PARD3: variants seen among roughly 807,000 people sequenced by gnomAD.
PARD3 encodes partitioning defective 3 homolog.
In PARD3, 75 loss-of-function variants were observed where a neutral mutation model predicts 155.4. That is an observed-to-expected ratio of 0.48 (90% CI 0.40 to 0.58). PARD3 has a LOEUF of 0.58. Ranked by LOEUF, PARD3 falls within the 20% of genes least tolerant of loss-of-function variation. The pLI, the probability that PARD3 is intolerant of heterozygous loss-of-function variation, is 0.00. For synonymous variants in PARD3, 576 were observed against 610.5 expected, an observed-to-expected ratio of 0.94 and a Z score of 0.83; for missense variants, 1,642 against 1,721.7, an observed-to-expected ratio of 0.95 and a Z score of 0.82.
At chr10:34,727,227 C>A (rs2094730149) in intron 1 of PARD3, among the ~76,000 whole-genome samples, 1 of 152,170 alleles carries the variant, frequency 6.6e-6, no homozygotes, top group South Asian at 2.1e-4. Flanking sequence ...TGAGTGGGTG[C>A]CTGCAAGCCT....
intron 2 of PARD3, among the ~76,000 whole-genome samples, chr10:34,600,295 A>G (rs1192980767): frequency 1.3e-5 from 2 of 152,144 alleles, no homozygotes; most frequent in Non-Finnish European, 2.9e-5. Flanking sequence ...CAGTGAGCCA[A>G]GATTGTACCA....
At chr10:34,698,356 T>G (rs1019119394) in intron 1 of PARD3, among the ~76,000 whole-genome samples, 1 of 152,122 alleles carries the variant, frequency 6.6e-6, no homozygotes, top group African/African-American at 2.4e-5. Flanking sequence ...GCACTTTCCC[T>G]TTCACAGCCT....
chr10:34,216,194 TG>T (rs1323074781), intron 22 of PARD3, among the ~76,000 whole-genome samples: 2 of 152,308 alleles, frequency 1.3e-5, no homozygotes, highest in Non-Finnish European at 2.9e-5. Flanking sequence ...GCTCAATATT[TG>T]TATGCAAATA....
intron 22 of PARD3, among the ~76,000 whole-genome samples, chr10:34,163,442 T>C (rs1014316825): frequency 6.6e-6 from 1 of 152,116 alleles, no homozygotes; most frequent in Admixed American, 6.5e-5. Flanking sequence ...CAAAATGTTG[T>C]AGTTAAATAG....
intron 1 of PARD3, among the ~76,000 whole-genome samples, chr10:34,732,461 A>C (rs932115445): frequency 6.6e-6 from 1 of 152,200 alleles, no homozygotes; most frequent in African/African-American, 2.4e-5. Flanking sequence ...TGGGAGGCCA[A>C]GGTGGGAGGA....
chr10:34,352,807 T>A (rs1310834522), intron 14 of PARD3, among the ~76,000 whole-genome samples: 1 of 151,292 alleles, frequency 6.6e-6, no homozygotes, highest in African/African-American at 2.4e-5. Flanking sequence ...TGGTCGCCCA[T>A]CGTCTGGGAT....
intron 10 of PARD3, 143 bp from the exon 11 acceptor site, chr10:34,375,145 T>C (rs1421176543): frequency 1.6e-6 from 1 of 644,500 alleles, no homozygotes; most frequent in African/African-American, 1.9e-5. Context: ...TCATGCACAA[T>C]TCTGCCATGA....
At chr10:34,571,035 G>A (rs1330994559) in intron 2 of PARD3, among the ~76,000 whole-genome samples, 1 of 152,184 alleles carries the variant, frequency 6.6e-6, no homozygotes, top group Non-Finnish European at 1.5e-5. Context: ...GTTTCGACTG[G>A]GCGTAGTAAC....
chr10:34,456,318 C>A (rs1234619131), intron 4 of PARD3, among the ~76,000 whole-genome samples: 1 of 151,778 alleles, frequency 6.6e-6, no homozygotes, highest in Non-Finnish European at 1.5e-5. Context: ...TTTTCTGAGA[C>A]GAAGTTTTGC....
chr10:34,503,899 G>A (rs1297100624), intron 3 of PARD3, among the ~76,000 whole-genome samples: 2 of 152,218 alleles, frequency 1.3e-5, no homozygotes, highest in Non-Finnish European at 2.9e-5. Flanking sequence ...AGTAGATGAT[G>A]TCATAATGCT....
intron 5 of PARD3, among the ~76,000 whole-genome samples, chr10:34,432,331 T>C (rs868292935): frequency 3.5e-4 from 30 of 86,922 alleles, no homozygotes; most frequent in Admixed American, 1.5e-3. Flanking sequence ...GATATACACG[T>C]GCACATACAC....
chr10:34,272,381 T>C (rs1459261928), intron 21 of PARD3, among the ~76,000 whole-genome samples: 2 of 152,088 alleles, frequency 1.3e-5, no homozygotes, highest in Admixed American at 1.3e-4. Flanking sequence ...AAGTACAGAC[T>C]AGAAAAAAAT....
intron 5 of PARD3, among the ~76,000 whole-genome samples, chr10:34,413,741 A>G (rs970780289): frequency 2.6e-5 from 4 of 152,038 alleles, no homozygotes; most frequent in Non-Finnish European, 5.9e-5. Flanking sequence ...ACCCCTATAT[A>G]TGAGGATTTT....
intron 4 of PARD3, among the ~76,000 whole-genome samples, chr10:34,458,394 A>T (rs142036630): frequency 1.6e-3 from 250 of 152,212 alleles, no homozygotes; most frequent in African/African-American, 5.7e-3. Flanking sequence ...GTAGAGACTG[A>T]GTCTTACTAT....
At chr10:34,453,234 A>G (rs1173417886) in intron 4 of PARD3, among the ~76,000 whole-genome samples, 1 of 152,214 alleles carries the variant, frequency 6.6e-6, no homozygotes, top group Non-Finnish European at 1.5e-5. Context: ...GAAATACTGA[A>G]CATTCTTCAA....
intron 2 of PARD3, among the ~76,000 whole-genome samples, chr10:34,593,054 T>C (rs2088870613): frequency 6.6e-6 from 1 of 152,238 alleles, no homozygotes; most frequent in African/African-American, 2.4e-5. Flanking sequence ...TGTAACATTG[T>C]AAAGGAAGAG....
At chr10:34,673,449 C>G (rs557932208) in intron 2 of PARD3, among the ~76,000 whole-genome samples, 1 of 152,252 alleles carries the variant, frequency 6.6e-6, no homozygotes, top group South Asian at 2.1e-4. Flanking sequence ...AGTTTTGGAA[C>G]CTCTCATTAC....
intron 2 of PARD3, among the ~76,000 whole-genome samples, chr10:34,651,011 C>CAAAAAAAAAAA (rs60113552): frequency 1.1e-4 from 5 of 44,544 alleles, no homozygotes; most frequent in East Asian, 1.1e-3. Context: ...AACTCTGTCT[C>CAAAAAAAAAAA]AAAAAAAAAA....
At chr10:34,450,469 A>C (rs2076996273) in intron 4 of PARD3, 21 bp from the exon 5 acceptor site, 2 of 1,596,612 alleles carry the variant, frequency 1.3e-6, no homozygotes, top group East Asian at 2.2e-5. Flanking sequence ...AGAAACAAAA[A>C]GGTGTCTTGT....
Sources: allele counts gnomAD v4.1 joint callset (sites outside exome capture counted in the v4.1 genomes callset), GRCh38; gene constraint gnomAD v4.1.1; transcripts MANE v1.5; gene names NCBI Gene and HGNC (gene_info 2026-07-23, HGNC 2026-07-21).